The following CAMK1D variants were observed in gnomAD, a reference collection of about 807,000 sequenced individuals.
CAMK1D encodes calcium/calmodulin-dependent protein kinase type 1D.
Under a neutral mutation model 47.7 loss-of-function variants are expected in CAMK1D, and 9 were observed. That is an observed-to-expected ratio of 0.19 (90% CI 0.11 to 0.33). The LOEUF is 0.33. CAMK1D is among the 10% of genes least tolerant of loss of function. CAMK1D has a pLI of 1.00. For missense variants in CAMK1D, 291 were observed against 488.7 expected (o/e 0.60, Z 3.81); for synonymous variants, 184 against 184.9 (o/e 0.99, Z 0.04).
chr10:12,770,576 G>A (rs535370119), intron 5 of CAMK1D, among the ~76,000 whole-genome samples: 4 of 152,324 alleles, frequency 2.6e-5, no homozygotes, highest in Admixed American at 6.5e-5. Flanking sequence ...ACACAGACAC[G>A]GTGCCTGCCC....
At chr10:12,581,218 T>C (rs1378652127) in intron 2 of CAMK1D, among the ~76,000 whole-genome samples, 2 of 152,234 alleles carry the variant, frequency 1.3e-5, no homozygotes, top group Non-Finnish European at 2.9e-5. Context: ...TGCCATTATT[T>C]CATTCCTTTT....
intron 1 of CAMK1D, among the ~76,000 whole-genome samples, chr10:12,467,340 A>G (rs1408358566): frequency 6.6e-6 from 1 of 152,004 alleles, no homozygotes; most frequent in African/African-American, 2.4e-5. Context: ...TTTAGTAGAG[A>G]TGGGGTTTTG....
intron 1 of CAMK1D, among the ~76,000 whole-genome samples, chr10:12,532,984 T>C (rs187596990): frequency 7.3e-5 from 11 of 151,160 alleles, no homozygotes; most frequent in Middle Eastern, 3.4e-3. Context: ...GTGGGGATGG[T>C]TAATTGGTAC....
chr10:12,661,273 GAAATAACTGAATTTATATGAGC>G (rs1840266890), intron 2 of CAMK1D, among the ~76,000 whole-genome samples: 2 of 152,158 alleles, frequency 1.3e-5, no homozygotes, highest in African/African-American at 4.8e-5. Context: ...TAATTTTATA[GAAATAACTGAATTTATATGAGC>G]TCTTGGATAG....
At chr10:12,476,972 G>C (rs74455079) in intron 1 of CAMK1D, among the ~76,000 whole-genome samples, 3,591 of 152,276 alleles carry the variant, frequency 0.024, 87 homozygotes, top group East Asian at 0.084. Context: ...ACTTGCTCTT[G>C]TGCTGCTGTT....
chr10:12,715,789 C>T lies in CAMK1D; in HGVS notation c.300-45159C>T, dbSNP rs528527602. Reference sequence around the variant, plus strand: ...AGGCTGGAGTGCAGTGGTGCAATCTCGGCTCATTGCAGCCTCCGCCTCCCG... The same window carrying T: ...AGGCTGGAGTGCAGTGGTGCAATCTTGGCTCATTGCAGCCTCCGCCTCCCG... On this transcript the variant is annotated intron_variant, in intron 3 of 10. Transcript: ENST00000619168. Among the ~76,000 whole-genome samples the T allele has an allele frequency of 1.4e-3, 210 of 147,574 alleles. 2 individuals are homozygous for T. The highest frequency in any genetic ancestry group is 5.0e-3 in the African/African-American group (201 of 40,038).
intron 1 of CAMK1D, among the ~76,000 whole-genome samples, chr10:12,396,866 T>A (rs990665440): frequency 2.6e-5 from 4 of 152,206 alleles, no homozygotes; most frequent in African/African-American, 9.6e-5. Context: ...GGTTTGGGTT[T>A]TTAACTCAGT....
intron 5 of CAMK1D, among the ~76,000 whole-genome samples, chr10:12,778,645 G>A (rs1338351256): frequency 6.6e-6 from 1 of 152,188 alleles, no homozygotes; most frequent in African/African-American, 2.4e-5. Flanking sequence ...GGAAGGCCAG[G>A]GTGAGAGGAT....
intron 3 of CAMK1D, among the ~76,000 whole-genome samples, chr10:12,757,897 G>A (rs1454418884): frequency 8.2e-6 from 1 of 121,982 alleles, no homozygotes; most frequent in African/African-American, 3.2e-5. Context: ...TTGCTCCATT[G>A]CTGGAGTGCA....
chr10:12,413,192 A>G (rs144951781), intron 1 of CAMK1D, among the ~76,000 whole-genome samples: 3 of 152,270 alleles, frequency 2.0e-5, no homozygotes, highest in African/African-American at 7.2e-5. Context: ...AGAAGCTTAC[A>G]GTCATGGTGG....
intron 2 of CAMK1D, among the ~76,000 whole-genome samples, chr10:12,574,429 G>A (rs148357245): frequency 0.015 from 2,142 of 145,018 alleles, 43 homozygotes; most frequent in African/African-American, 0.052. Context: ...AGCCTCCTGA[G>A]TAGCTGGGAT....
At chr10:12,762,147 G>A (rs755439285) in intron 4 of CAMK1D, among the ~76,000 whole-genome samples, 9 of 152,110 alleles carry the variant, frequency 5.9e-5, no homozygotes, top group African/African-American at 2.2e-4. Context: ...AAAGCAGTGC[G>A]GTTGACCCAA....
chr10:12,643,799 G>A (rs963252756), intron 2 of CAMK1D, among the ~76,000 whole-genome samples: 1 of 151,630 alleles, frequency 6.6e-6, no homozygotes, highest in African/African-American at 2.4e-5. Flanking sequence ...CACGAGAATT[G>A]CTTGAACCTG....
At chr10:12,812,358 G>A (rs1832640400) in intron 6 of CAMK1D, among the ~76,000 whole-genome samples, 1 of 152,212 alleles carries the variant, frequency 6.6e-6, no homozygotes, top group Admixed American at 6.5e-5. Flanking sequence ...GCTCACACCT[G>A]TAATCCCAGC....
At chr10:12,753,559 C>T (rs1235563892) in intron 3 of CAMK1D, among the ~76,000 whole-genome samples, 2 of 152,158 alleles carry the variant, frequency 1.3e-5, no homozygotes, top group Admixed American at 6.5e-5. Context: ...AAATACCATC[C>T]ACCCCGTGTG....
rs114706524 is a variant in CAMK1D at position 12,651,210 on chromosome 10, G to A, written c.225-15526G>A. 1.9e-3 allele frequency among the ~76,000 whole-genome samples: 292 copies of A among 152,070 alleles called. 2 individuals are homozygous for A. Among genetic ancestry groups the A allele is most frequent in the African/African-American group, 6.2e-3 (257 of 41,466 alleles). On this transcript the variant is annotated intron_variant, in intron 2 of 10. Transcript: ENST00000619168. ...AAACAGTAACGGCTTTGCGCCCCAA[G>A]CCCCACCTCTGATGAAATAGCAACT...
rs115633332 is a variant in CAMK1D, at chr10:12,380,380, C to T, written c.92+30470C>T. Reference sequence around the variant, plus strand: ...AAGGTTTTTAAGGCTACAAGGAATTCGTCACACTTGGAGCCTAGGTTTTGT... The same window carrying T: ...AAGGTTTTTAAGGCTACAAGGAATTTGTCACACTTGGAGCCTAGGTTTTGT... On this transcript the variant is annotated intron_variant, in intron 1 of 10. Coordinates refer to ENST00000619168, the MANE Select transcript of CAMK1D (RefSeq NM_153498.4). Among the ~76,000 whole-genome samples the T allele has an allele frequency of 1.7e-3, 256 of 152,202 alleles. 1 individual carries two copies. The highest frequency in any genetic ancestry group is 5.9e-3 in the African/African-American group (243 of 41,516).
At chr10:12,587,092 T>C (rs2040206151) in intron 2 of CAMK1D, among the ~76,000 whole-genome samples, 1 of 152,196 alleles carries the variant, frequency 6.6e-6, no homozygotes, top group Non-Finnish European at 1.5e-5. Flanking sequence ...GGCTTGAGGC[T>C]CCTCCTTGGT....
intron 1 of CAMK1D, among the ~76,000 whole-genome samples, chr10:12,467,384 C>CT (rs1833623585): frequency 1.3e-5 from 2 of 152,072 alleles, no homozygotes; most frequent in African/African-American, 4.8e-5. Context: ...AACCGCTGGC[C>CT]TCAAGTGATC....
Sources: allele counts gnomAD v4.1 joint callset (sites outside exome capture counted in the v4.1 genomes callset), GRCh38; gene constraint gnomAD v4.1.1; transcripts MANE v1.5; gene names NCBI Gene and HGNC (gene_info 2026-07-23, HGNC 2026-07-21).